SNTG1: variants seen among roughly 807,000 people sequenced by gnomAD.
The protein encoded by SNTG1 is gamma-1-syntrophin.
SNTG1 carries 39 observed loss-of-function variants against 74.7 expected under a neutral mutation model. The ratio of observed to expected loss-of-function variants is 0.52; its 90% CI spans 0.40 to 0.68. The LOEUF (loss-of-function observed/expected upper bound fraction) is 0.68, where lower values mean the gene tolerates loss of function less well. Ranked by LOEUF, SNTG1 falls within the 30% of genes least tolerant of loss-of-function variation. The probability of loss-of-function intolerance (pLI) is 0.00; values close to 1 mark genes in which losing one functional copy is unlikely to be tolerated. For missense variants in SNTG1, 685 were observed against 609.5 expected, an observed-to-expected ratio of 1.12 and a Z score of -1.30; for synonymous variants, 254 against 217.1, an observed-to-expected ratio of 1.17 and a Z score of -1.49.
intron 2 of SNTG1, among the ~76,000 whole-genome samples, chr8:50,293,403 C>CTTTTTTTTTTTT (rs11349774): frequency 2.9e-5 from 4 of 135,646 alleles, no homozygotes; most frequent in African/African-American, 5.5e-5. Context: ...TAGTAGGCTT[C>CTTTTTTTTTTTT]TTTTTTTTTT....
intron 12 of SNTG1, among the ~76,000 whole-genome samples, chr8:50,564,369 C>T (rs1315383222): frequency 1.3e-5 from 2 of 151,976 alleles, no homozygotes; most frequent in Non-Finnish European, 2.9e-5. Flanking sequence ...AAACAACAAC[C>T]TTACATTTTA....
At chr8:50,275,662 C>A (rs972806447) in intron 2 of SNTG1, among the ~76,000 whole-genome samples, 2 of 152,144 alleles carry the variant, frequency 1.3e-5, no homozygotes, top group East Asian at 1.9e-4. Context: ...GCTCCTACCC[C>A]ACCTAAGTCC....
At chr8:50,226,777 G>A (rs910466623) in intron 2 of SNTG1, among the ~76,000 whole-genome samples, 24 of 152,014 alleles carry the variant, frequency 1.6e-4, no homozygotes, top group Admixed American at 7.9e-4. Context: ...GTTGTAACCC[G>A]ACCACCCTGG....
intron 13 of SNTG1, among the ~76,000 whole-genome samples, chr8:50,641,819 C>G (rs951590398): frequency 1.7e-4 from 26 of 152,034 alleles, no homozygotes; most frequent in Admixed American, 1.7e-3. Context: ...CTCTCCTCTT[C>G]TCTATTACCA....
chr8:50,172,315 A>G (rs2082835168), intron 1 of SNTG1, among the ~76,000 whole-genome samples: 1 of 152,168 alleles, frequency 6.6e-6, no homozygotes, highest in African/African-American at 2.4e-5. Context: ...AGTGTGTTCT[A>G]CAGAACTTAA....
chr8:50,582,651 G>T (rs974315791), intron 12 of SNTG1, among the ~76,000 whole-genome samples: 2 of 151,718 alleles, frequency 1.3e-5, no homozygotes, highest in Non-Finnish European at 1.5e-5. Context: ...TACAATTCTA[G>T]AAAAAAACAG....
At chr8:50,502,681 T>C in intron 8 of SNTG1, 97 bp from the exon 9 acceptor site, 1 of 941,460 alleles carries the variant, frequency 1.1e-6, no homozygotes, top group African/African-American at 1.7e-5. Flanking sequence ...TAGGGAAAAA[T>C]GGAAGGTGGA....
intron 2 of SNTG1, among the ~76,000 whole-genome samples, chr8:50,190,145 C>T (rs539553826): frequency 3.9e-5 from 6 of 152,218 alleles, no homozygotes; most frequent in East Asian, 3.9e-4. Flanking sequence ...AAGATGGATA[C>T]GGTATAATTC....
At chr8:49,961,375 T>G (rs1472551231) in intron 1 of SNTG1, among the ~76,000 whole-genome samples, 1 of 152,198 alleles carries the variant, frequency 6.6e-6, no homozygotes, top group African/African-American at 2.4e-5. Context: ...TGAGAAACTT[T>G]TGATTATAGG....
chr8:50,618,386 T>C (rs1471667979), intron 13 of SNTG1, among the ~76,000 whole-genome samples: 1 of 152,236 alleles, frequency 6.6e-6, no homozygotes, highest in Non-Finnish European at 1.5e-5. Context: ...GGTATCTACA[T>C]ACTATTCACA....
At chr8:50,193,246 G>T (rs186498188) in intron 2 of SNTG1, among the ~76,000 whole-genome samples, 34 of 152,022 alleles carry the variant, frequency 2.2e-4, no homozygotes, top group Non-Finnish European at 4.6e-4. Flanking sequence ...TGGCAGTATG[G>T]TCATTTTCAC....
chr8:50,508,734 G>C (rs528781316), intron 9 of SNTG1, among the ~76,000 whole-genome samples: 7 of 152,272 alleles, frequency 4.6e-5, no homozygotes, highest in African/African-American at 1.7e-4. Context: ...AGAAGTATCT[G>C]TCCATATCTT....
intron 13 of SNTG1, among the ~76,000 whole-genome samples, chr8:50,622,292 G>A (rs1385583803): frequency 6.6e-6 from 1 of 152,122 alleles, no homozygotes; most frequent in Non-Finnish European, 1.5e-5. Context: ...CTTGCTGAAT[G>A]TAAGAATAAA....
intron 4 of SNTG1, among the ~76,000 whole-genome samples, chr8:50,422,876 A>C (rs2093112198): frequency 6.6e-6 from 1 of 152,184 alleles, no homozygotes; most frequent in South Asian, 2.1e-4. Flanking sequence ...ATTAGCTTTA[A>C]AAGGTGGCTG....
chr8:50,305,164 C>T (rs1175143980), intron 2 of SNTG1, among the ~76,000 whole-genome samples: 1 of 151,880 alleles, frequency 6.6e-6, no homozygotes, highest in African/African-American at 2.4e-5. Flanking sequence ...TTATTGAGCT[C>T]TTGTATGTTG....
At chr8:49,926,267 A>T (rs1807019359) in intron 1 of SNTG1, among the ~76,000 whole-genome samples, 1 of 152,110 alleles carries the variant, frequency 6.6e-6, no homozygotes, top group South Asian at 2.1e-4. Context: ...TCTATTACGA[A>T]AAAATAAATA....
chr8:50,462,003 G>C (rs1248374057), intron 8 of SNTG1, among the ~76,000 whole-genome samples: 1 of 152,062 alleles, frequency 6.6e-6, no homozygotes, highest in African/African-American at 2.4e-5. Context: ...CTGTGGGGTT[G>C]GTTCTAGACA....
At chr8:50,374,562 T>A (rs2092336890) in intron 2 of SNTG1, among the ~76,000 whole-genome samples, 1 of 152,298 alleles carries the variant, frequency 6.6e-6, no homozygotes, top group African/African-American at 2.4e-5. Context: ...GGTACCCAGT[T>A]CATAGGGACA....
chr8:50,717,705 A>G (rs772794614), intron 17 of SNTG1, among the ~76,000 whole-genome samples: 1 of 152,194 alleles, frequency 6.6e-6, no homozygotes, highest in Non-Finnish European at 1.5e-5. Flanking sequence ...CTTCATCTCT[A>G]AAATGGATAT....
Sources: gnomAD v4.1 joint callset for allele counts (sites outside exome capture counted in the v4.1 genomes callset) on GRCh38, gnomAD v4.1.1 for gene constraint, MANE v1.5 for transcripts, NCBI Gene and HGNC (gene_info 2026-07-23, HGNC 2026-07-21) for gene names.